Variants in EPB41 observed in about 807,000 individuals in gnomAD.
EPB41 encodes the protein protein 4.1.
In EPB41, 65 loss-of-function variants were observed where a neutral mutation model predicts 108.0. The ratio of observed to expected loss-of-function variants is 0.60; its 90% confidence interval spans 0.49 to 0.74. EPB41 has a LOEUF of 0.74. Ranked by LOEUF, EPB41 falls within the 30% of genes least tolerant of loss-of-function variation. The pLI is 0.00. For synonymous variants in EPB41, 336 were observed against 358.9 expected (o/e 0.94, Z 0.72); for missense variants, 875 against 1,037.0 (o/e 0.84, Z 2.15).
chr1:29,014,111 G>A lies in EPB41; in HGVS notation c.830-1581G>A, dbSNP rs530146662. On this transcript the variant is annotated intron_variant, in intron 5 of 20. Transcript: ENST00000343067. ...GCAGGTGGATCACCTGAGGTCAGGA[G>A]TTAGAGAGCAGCCTGGCCAACATGG... is the stretch of plus-strand genomic sequence containing the variant. 2.2e-4 allele frequency among the ~76,000 whole-genome samples: 33 copies of A among 152,064 alleles called. No homozygotes were observed. In the East Asian group the frequency reaches 5.5e-3, roughly 25 times the overall value.
chr1:29,014,167 A>C (rs1246176695), intron 5 of EPB41, among the ~76,000 whole-genome samples: 2 of 151,934 alleles, frequency 1.3e-5, no homozygotes, highest in African/African-American at 4.8e-5. Context: ...AAATACAAAA[A>C]TTAGCTGGGC....
At chr1:29,021,259 T>C (rs1488572041) in intron 7 of EPB41, among the ~76,000 whole-genome samples, 1 of 152,168 alleles carries the variant, frequency 6.6e-6, no homozygotes. Context: ...AATGCTAAGA[T>C]GTTATTTGCT....
chr1:29,073,589 C>T (rs948287588), intron 16 of EPB41, among the ~76,000 whole-genome samples: 5 of 152,178 alleles, frequency 3.3e-5, no homozygotes, highest in African/African-American at 1.2e-4. Flanking sequence ...GACCACTTTA[C>T]TAATTTTCCA....
At chr1:28,988,472 G>T (rs1466288777) in intron 2 of EPB41, among the ~76,000 whole-genome samples, 2 of 151,800 alleles carry the variant, frequency 1.3e-5, no homozygotes, top group Non-Finnish European at 2.9e-5. Context: ...CTATTCTTCT[G>T]CCTCAGCCTC....
rs543531821 is a variant in EPB41, at chr1:29,011,018, G to A, written c.787-847G>A. Among the ~76,000 whole-genome samples, 100 of 151,276 alleles carry A rather than the reference G, an allele frequency of 6.6e-4. 1 individual carries two copies. The highest frequency in any genetic ancestry group is 2.4e-3 in the Admixed American group (36 of 15,166). ...CTGTAATCCCAGCTACTCAGGAGGC[G>A]GAGGCAGGAGAATCACTTGAACCCG... On this transcript the variant is annotated intron_variant, in intron 4 of 20. Coordinates refer to ENST00000343067, the MANE Select transcript of EPB41 (RefSeq NM_001376013.1).
chr1:29,074,936 A>T (rs1003769706), intron 16 of EPB41, among the ~76,000 whole-genome samples: 22 of 152,206 alleles, frequency 1.4e-4, no homozygotes, highest in Non-Finnish European at 2.6e-4. Context: ...AGGCGGGCGG[A>T]TCACAAGGTC....
At chr1:28,991,003 G>A (rs2096006207) in intron 2 of EPB41, among the ~76,000 whole-genome samples, 2 of 151,994 alleles carry the variant, frequency 1.3e-5, no homozygotes, top group Admixed American at 1.3e-4. Context: ...TTATTTAAAA[G>A]AACAAACTAT....
chr1:28,916,898 C>A (rs1456288992), intron 1 of EPB41, among the ~76,000 whole-genome samples: 1 of 151,694 alleles, frequency 6.6e-6, no homozygotes, highest in Non-Finnish European at 1.5e-5. Context: ...TCAAGTGATC[C>A]TCCTGCCTCA....
intron 4 of EPB41, among the ~76,000 whole-genome samples, chr1:29,000,020 G>A (rs375019765): frequency 6.6e-6 from 1 of 152,082 alleles, no homozygotes; most frequent in Admixed American, 6.6e-5. Flanking sequence ...GAACTCCTGG[G>A]CTCAAGCAAT....
intron 1 of EPB41, among the ~76,000 whole-genome samples, chr1:28,958,330 C>T (rs924655708): frequency 1.1e-4 from 16 of 152,034 alleles, no homozygotes; most frequent in Admixed American, 8.5e-4. Flanking sequence ...GCACCTGTAA[C>T]CCAGCTACTG....
intron 1 of EPB41, among the ~76,000 whole-genome samples, chr1:28,888,831 G>T (rs1362233929): frequency 2.6e-5 from 4 of 152,090 alleles, no homozygotes; most frequent in African/African-American, 9.7e-5. Context: ...GATTCACCGT[G>T]TTAGCCAGGA....
intron 1 of EPB41, chr1:28,982,650 C>T: frequency 1.1e-6 from 1 of 889,978 alleles, no homozygotes; most frequent in South Asian, 1.3e-5. Flanking sequence ...AAAAGCCCAT[C>T]ATGGTTTTTG....
intron 1 of EPB41, among the ~76,000 whole-genome samples, chr1:28,916,325 A>G (rs1343547521): frequency 3.9e-5 from 6 of 152,210 alleles, no homozygotes; most frequent in Non-Finnish European, 7.3e-5. Context: ...CAAGTACAGT[A>G]TATCTTTGGC....
rs1670182332 is a variant in EPB41 at position 29,114,379 on chromosome 1, A to G, written c.2497-1320A>G. ...ATTGCACGGCTGGGTGCGTTGGCTCACGCCTATAATCCCAGTACTTTGGGA... is the reference window on the plus strand; with the variant it reads ...ATTGCACGGCTGGGTGCGTTGGCTCGCGCCTATAATCCCAGTACTTTGGGA... On this transcript the variant is annotated intron_variant, in intron 19 of 20. Transcript: ENST00000343067. Among the ~76,000 whole-genome samples, 3 of 152,352 alleles carry G rather than the reference A, an allele frequency of 2.0e-5. No homozygotes were observed. In the South Asian group the frequency reaches 6.2e-4, roughly 32 times the overall value.
At chr1:29,065,966 C>CA (rs71022389) in intron 16 of EPB41, 2,798 of 90,696 alleles carry the variant, frequency 0.031, 119 homozygotes, top group African/African-American at 0.12. Flanking sequence ...GACCCTGTCT[C>CA]AAAAAAAAAA....
At chr1:28,901,265 G>A (rs1219710141) in intron 1 of EPB41, among the ~76,000 whole-genome samples, 10 of 116,982 alleles carry the variant, frequency 8.5e-5, no homozygotes, top group African/African-American at 2.5e-4. Context: ...TTGCTCTGTC[G>A]CCAGGCTGGA....
At chr1:28,975,940 C>CA (rs775554564) in intron 1 of EPB41, among the ~76,000 whole-genome samples, 4,703 of 66,996 alleles carry the variant, frequency 0.07, 369 homozygotes, top group African/African-American at 0.17. Context: ...GACTCCATCT[C>CA]AAAAAAAAAA....
chr1:29,100,746 A>G (rs928689096), intron 17 of EPB41, among the ~76,000 whole-genome samples: 3 of 147,134 alleles, frequency 2.0e-5, no homozygotes, highest in Middle Eastern at 3.3e-3. Context: ...TTAATATATA[A>G]TTACACATTA....
chr1:28,962,827 A>G (rs901990722), intron 1 of EPB41, among the ~76,000 whole-genome samples: 1 of 152,150 alleles, frequency 6.6e-6, no homozygotes, highest in South Asian at 2.1e-4. Context: ...TATGGCTCGC[A>G]GTATGTGTTG....
Sources: allele counts gnomAD v4.1 joint callset (sites outside exome capture counted in the v4.1 genomes callset), GRCh38; gene constraint gnomAD v4.1.1; transcripts MANE v1.5; gene names NCBI Gene and HGNC (gene_info 2026-07-23, HGNC 2026-07-21).